ASMT: variants seen among roughly 807,000 people sequenced by gnomAD.
ASMT encodes the protein acetylserotonin N-methyltransferase.
ASMT carries 53 observed loss-of-function variants against 41.3 expected under a neutral mutation model. That is an observed-to-expected ratio of 1.28 (90% CI 1.03 to 1.61). The LOEUF is 1.61. Ranked by LOEUF, ASMT falls within the 40% of genes most tolerant of loss-of-function variation. The probability of loss-of-function intolerance (pLI) is 0.00; values close to 1 mark genes in which losing one functional copy is unlikely to be tolerated. For synonymous variants in ASMT, 231 were observed against 184.8 expected (o/e 1.25, Z -2.03); for missense variants, 531 against 441.3 (o/e 1.20, Z -1.82).
At position 1,629,902 on chromosome X, in the gene ASMT, T is replaced by C; in HGVS notation, c.525T>C (p.Phe175=). Residue 175 remains phenylalanine (F), a synonymous_variant, in exon 5 of 9, where the codon TTT becomes TTC. Coordinates refer to ENST00000381241, the MANE Select transcript of ASMT (RefSeq NM_001171038.2). The part of the protein sequence containing the change: ...SVNGRSVLTA[F]DLSVFPLMCD... The stretch of plus-strand genomic sequence containing the variant: ...ACGGGAGAAGCGTGCTGACCGCCTT[T>C]GACCTGTCAGTGTTCCCACTTATGT... The C allele has an allele frequency of 6.2e-7, 1 of 1,613,990 alleles. No homozygotes were observed. Among genetic ancestry groups the C allele is most frequent in the Non-Finnish European group, 8.5e-7 (1 of 1,179,862 alleles).
rs185101457 is a variant in ASMT, at chrX:1,634,900, C to T, written c.788-1538C>T. Among the ~76,000 whole-genome samples the T allele has an allele frequency of 3.6e-3, 534 of 149,444 alleles. 6 individuals are homozygous for T. Among genetic ancestry groups the T allele is most frequent in the African/African-American group, 0.012 (487 of 39,142 alleles). ...CAGGCTGGTTTTGAATTCCTGACCTCGTGATCCACCTGCCTCGGCCTCCCA... is the reference window on the plus strand; with the variant it reads ...CAGGCTGGTTTTGAATTCCTGACCTTGTGATCCACCTGCCTCGGCCTCCCA... On this transcript the variant is annotated intron_variant, in intron 7 of 8. Transcript: ENST00000381241.
intron 1 of ASMT, among the ~76,000 whole-genome samples, chrX:1,615,768 C>A (rs768185677): frequency 3.3e-5 from 5 of 151,626 alleles, no homozygotes; most frequent in Non-Finnish European, 5.9e-5. Context: ...CACCACTGCA[C>A]TCCCGCCTGG....
chrX:1,640,556 G>GC (rs773084694), intron 8 of ASMT, among the ~76,000 whole-genome samples: 11 of 53,070 alleles, frequency 2.1e-4, no homozygotes, highest in African/African-American at 3.8e-4. Flanking sequence ...CAGTGTCCCA[G>GC]TGTCCTGTGA....
rs373684680 is a variant in ASMT, at chrX:1,624,226, G to A, written c.245-43G>A. The stretch of plus-strand genomic sequence containing the variant: ...GGGGAGCGTCCGCCGGCAGGAACTC[G>A]GAATCTCACTGCTTTTTCCCTGTTT... On this transcript the variant is annotated intron_variant, in intron 2 of 8. Coordinates refer to ENST00000381241, the MANE Select transcript of ASMT (RefSeq NM_001171038.2). The A allele has an allele frequency of 5.0e-6, 8 of 1,613,294 alleles. No homozygotes were observed. In the East Asian group the frequency reaches 6.7e-5, roughly 13 times the overall value.
At position 1,632,770 on chromosome X, in the gene ASMT, G is replaced by A. The variant is rs145370407; in HGVS notation, c.629G>A (p.Arg210His). The A allele has an allele frequency of 3.2e-3, 1,127 of 353,342 alleles. 13 individuals carry two copies. The highest frequency in any genetic ancestry group is 0.018 in the African/African-American group (892 of 48,418). The allele number at this position is 353,342 out of a possible 1,614,324, so 21.9% of individuals were successfully genotyped here. A position where few individuals can be genotyped will look rare whatever the true frequency, so the allele number is the denominator to read the frequency against. Residue 210 changes from arginine to histidine, a missense_variant, in exon 6 of 9, where the codon CGC becomes CAC. Coordinates refer to ENST00000381241, the MANE Select transcript of ASMT (RefSeq NM_001171038.2). ...TCGCAAGGACAGAAAACCAAACACC[G>A]CGTGTTCTCACTCATAGGTGGGAAC... ...KLSQGQKTKH[R>H]VFSLIGGAGA...
intron 1 of ASMT, among the ~76,000 whole-genome samples, chrX:1,619,591 A>AGT (rs1569370450): frequency 3.4e-5 from 5 of 147,190 alleles, no homozygotes; most frequent in African/African-American, 9.9e-5. Flanking sequence ...TAATAATAAA[A>AGT]AGTCTTTGGG....
chrX:1,628,687 TCTCTC>T (rs1360601751), intron 4 of ASMT, among the ~76,000 whole-genome samples: 2 of 150,164 alleles, frequency 1.3e-5, no homozygotes, highest in African/African-American at 4.9e-5. Flanking sequence ...TCTCTTCTCT[TCTCTC>T]CTCTCTTTTC....
At chrX:1,620,635 T>G (rs762712067) in intron 1 of ASMT, among the ~76,000 whole-genome samples, 1 of 151,818 alleles carries the variant, frequency 6.6e-6, no homozygotes, top group African/African-American at 2.4e-5. Context: ...ACAACCTTCA[T>G]AAGAAAAACA....
intron 4 of ASMT, chrX:1,628,013 G>T: frequency 1.7e-6 from 1 of 597,278 alleles, no homozygotes; most frequent in Non-Finnish European, 3.0e-6. Context: ...CACAAACTCA[G>T]TGTTTATGTA....
intron 8 of ASMT, 126 bp from the exon 9 acceptor site, chrX:1,642,677 A>C (rs1935236061): frequency 7.2e-6 from 6 of 836,174 alleles, no homozygotes; most frequent in Non-Finnish European, 1.0e-5. Flanking sequence ...ACAGCCTCTG[A>C]GTGTGTGATG....
intron 7 of ASMT, 59 bp from the exon 8 acceptor site, chrX:1,636,379 G>A (rs769131304): frequency 1.9e-6 from 3 of 1,613,832 alleles, no homozygotes; most frequent in Non-Finnish European, 2.5e-6. Flanking sequence ...CCCAGAATAG[G>A]TTTAGTCAAA....
intron 1 of ASMT, among the ~76,000 whole-genome samples, chrX:1,616,623 G>A (rs764675225): frequency 7.3e-5 from 11 of 151,468 alleles, no homozygotes; most frequent in Middle Eastern, 3.4e-3. Context: ...TCATCCCAAC[G>A]GTTTGGGGGT....
At chrX:1,641,529 T>TAA (rs369899486) in intron 8 of ASMT, among the ~76,000 whole-genome samples, 1 of 122,508 alleles carries the variant, frequency 8.2e-6, no homozygotes, top group Admixed American at 8.7e-5. Context: ...TGTGTGTGTG[T>TAA]TGGGGACAGT....
At chrX:1,629,324 T>G (rs1934681686) in intron 4 of ASMT, among the ~76,000 whole-genome samples, 1 of 151,554 alleles carries the variant, frequency 6.6e-6, no homozygotes, top group Non-Finnish European at 1.5e-5. Context: ...GAGGGAGCTG[T>G]GGGGGGGGAG....
chrX:1,622,559 A>G (rs751782305), intron 1 of ASMT, among the ~76,000 whole-genome samples: 1 of 151,548 alleles, frequency 6.6e-6, no homozygotes, highest in South Asian at 2.1e-4. Flanking sequence ...CGCAGGGATT[A>G]TAGGTATGAG....
At chrX:1,622,370 A>C (rs1395788458) in intron 1 of ASMT, among the ~76,000 whole-genome samples, 5 of 147,502 alleles carry the variant, frequency 3.4e-5, no homozygotes, top group African/African-American at 1.3e-4. Context: ...GGCTCACTGC[A>C]ACCTCCGCTT....
chrX:1,616,182 C>T (rs1416856222), intron 1 of ASMT, among the ~76,000 whole-genome samples: 2 of 139,986 alleles, frequency 1.4e-5, no homozygotes, highest in Admixed American at 7.1e-5. Context: ...GCACCCACCA[C>T]CACGCCCGGC....
rs867686721 is a variant in ASMT, at chrX:1,637,386, C to T, written c.910+826C>T. Among the ~76,000 whole-genome samples, 3 of 2,126 alleles carry T rather than the reference C, an allele frequency of 1.4e-3. 1 individual carries two copies. Among genetic ancestry groups the T allele is most frequent in the Non-Finnish European group, 1.5e-3 (2 of 1,326 alleles). The allele number at this position is 2,126 out of a possible 152,430, so 1.4% of individuals were successfully genotyped here. On this transcript the variant is annotated intron_variant, in intron 8 of 8. Coordinates refer to ENST00000381241, the MANE Select transcript of ASMT (RefSeq NM_001171038.2). ...CATCCCTCCTGATGCTTCACGAGGA[C>T]GTGGGCACAGCCTCTGTGTATGATG...
chrX:1,631,135 C>T (rs1239836035), intron 5 of ASMT, among the ~76,000 whole-genome samples: 1 of 151,492 alleles, frequency 6.6e-6, no homozygotes, highest in East Asian at 1.9e-4. Context: ...AGGATGGTCT[C>T]GATCTCCTGA....
Sources: gnomAD v4.1 joint callset for allele counts (sites outside exome capture counted in the v4.1 genomes callset) on GRCh38, gnomAD v4.1.1 for gene constraint, MANE v1.5 for transcripts, NCBI Gene and HGNC (gene_info 2026-07-23, HGNC 2026-07-21) for gene names.